Variants in HMBOX1 observed in about 807,000 individuals in gnomAD.
HMBOX1 encodes the protein homeobox containing 1.
In HMBOX1, 14 loss-of-function variants were observed where a neutral mutation model predicts 54.5. That is an observed-to-expected ratio of 0.26 (90% CI 0.17 to 0.40). The LOEUF (loss-of-function observed/expected upper bound fraction) is 0.40. Among genes scored for constraint, HMBOX1 ranks in the 10% least tolerant of loss-of-function variants. The probability of loss-of-function intolerance (pLI) is 1.00; values close to 1 mark genes in which losing one functional copy is unlikely to be tolerated. For missense variants in HMBOX1, 332 were observed against 514.4 expected (o/e 0.65, Z 3.43); for synonymous variants, 160 against 181.0 (o/e 0.88, Z 0.93).
At chr8:29,022,494 A>G (rs10106347) in intron 6 of HMBOX1, among the ~76,000 whole-genome samples, 18,370 of 152,252 alleles carry the variant, frequency 0.12, 1,160 homozygotes, top group Middle Eastern at 0.16. Flanking sequence ...ACTAATTTCA[A>G]AATACAGAAG....
At position 28,913,445 on chromosome 8, in the gene HMBOX1, A is replaced by G. The variant is rs923031615; in HGVS notation, c.-58+22767A>G. 2.6e-5 allele frequency among the ~76,000 whole-genome samples: 4 copies of G among 152,158 alleles called. 1 individual carries two copies. The highest frequency in any genetic ancestry group is 2.4e-5 in the African/African-American group (1 of 41,516). ...TTCACCCTCCCACCTCGCCTTCACC[A>G]TCCCATTTCCCCACTTCTCAACCCG... On this transcript the variant is annotated intron_variant, in intron 1 of 9. Transcript: ENST00000287701.
chr8:29,047,531 T>C (rs577282494), intron 8 of HMBOX1, 78 bp downstream of exon 8: 1 of 763,460 alleles, frequency 1.3e-6, no homozygotes, highest in East Asian at 2.6e-5. Flanking sequence ...AACTTCAGTT[T>C]AGAAACTGCA....
chr8:28,919,063 G>A (rs1817085748), intron 1 of HMBOX1, among the ~76,000 whole-genome samples: 1 of 152,222 alleles, frequency 6.6e-6, no homozygotes, highest in South Asian at 2.1e-4. Context: ...AATATTGACT[G>A]CTCAGTGTTC....
intron 9 of HMBOX1, 150 bp from the exon 10 acceptor site, chr8:29,050,868 A>G (rs1806341918): frequency 1.5e-6 from 1 of 646,848 alleles, no homozygotes. Flanking sequence ...TTCAGTGTCT[A>G]CTTAAATACA....
intron 1 of HMBOX1, among the ~76,000 whole-genome samples, chr8:28,919,092 C>T (rs2131759844): frequency 6.6e-6 from 1 of 152,238 alleles, no homozygotes; most frequent in East Asian, 1.9e-4. Context: ...AATTTTTCTC[C>T]ATTGGTGAAG....
At chr8:28,905,843 A>G (rs890597205) in intron 1 of HMBOX1, among the ~76,000 whole-genome samples, 1 of 152,186 alleles carries the variant, frequency 6.6e-6, no homozygotes, top group African/African-American at 2.4e-5. Flanking sequence ...TTGCCAAAAC[A>G]TTTCTTAAAC....
At chr8:29,036,451 TG>T (rs968951069) in intron 6 of HMBOX1, among the ~76,000 whole-genome samples, 1 of 152,170 alleles carries the variant, frequency 6.6e-6, no homozygotes, top group Non-Finnish European at 1.5e-5. Flanking sequence ...CTGTTTCAAG[TG>T]AGAAGTCCCA....
At chr8:29,026,416 G>A (rs1021049125) in intron 6 of HMBOX1, among the ~76,000 whole-genome samples, 4 of 152,082 alleles carry the variant, frequency 2.6e-5, no homozygotes, top group Non-Finnish European at 5.9e-5. Context: ...TTTTTGGGGT[G>A]ATGAAGATTT....
intron 6 of HMBOX1, among the ~76,000 whole-genome samples, chr8:29,039,594 A>T (rs1211419696): frequency 6.6e-6 from 1 of 152,108 alleles, no homozygotes; most frequent in Admixed American, 6.5e-5. Context: ...CCATCTGTTG[A>T]TTAGATACTT....
At chr8:28,899,635 A>T (rs990343716) in intron 1 of HMBOX1, among the ~76,000 whole-genome samples, 1 of 152,220 alleles carries the variant, frequency 6.6e-6, no homozygotes, top group Non-Finnish European at 1.5e-5. Context: ...ACCATAGGTG[A>T]TATTTAACAA....
intron 4 of HMBOX1, among the ~76,000 whole-genome samples, chr8:28,983,519 T>C (rs958692277): frequency 1.3e-5 from 2 of 152,264 alleles, no homozygotes; most frequent in African/African-American, 4.8e-5. Flanking sequence ...TTTCTGAAAT[T>C]AATTACACTT....
intron 5 of HMBOX1, among the ~76,000 whole-genome samples, chr8:29,012,194 G>T (rs977671536): frequency 2.0e-5 from 3 of 152,130 alleles, no homozygotes; most frequent in Non-Finnish European, 4.4e-5. Context: ...ATTCTTTCTC[G>T]ATAAAAGTGA....
intron 1 of HMBOX1, among the ~76,000 whole-genome samples, chr8:28,896,389 G>GCCTAGGAGCAATAGGCT (rs1340199113): frequency 3.8e-5 from 5 of 131,352 alleles, no homozygotes; most frequent in Admixed American, 7.3e-5. Flanking sequence ...CAGGTGTGTA[G>GCCTAGGAGCAATAGGCT]ATTGCATAAT....
At chr8:28,983,995 G>T (rs982831356) in intron 4 of HMBOX1, among the ~76,000 whole-genome samples, 1 of 152,188 alleles carries the variant, frequency 6.6e-6, no homozygotes, top group Admixed American at 6.5e-5. Context: ...CAGGGGCAAG[G>T]CTTCTCTTTG....
intron 1 of HMBOX1, chr8:28,915,509 A>G (rs1359836041): frequency 6.8e-6 from 1 of 147,900 alleles, no homozygotes. Context: ...GTGAGCCAAG[A>G]TCGTGCCACT....
At chr8:29,021,638 GA>G (rs1185296427) in intron 6 of HMBOX1, among the ~76,000 whole-genome samples, 1 of 151,836 alleles carries the variant, frequency 6.6e-6, no homozygotes, top group Non-Finnish European at 1.5e-5. Flanking sequence ...GGCGGATCAC[GA>G]GGCCAGGAGA....
Position 29,052,494 on chromosome 8 carries a change from A to G in HMBOX1, c.*1339A>G, listed in dbSNP as rs2133424864. On this transcript the variant is annotated 3_prime_UTR_variant, in exon 10 of 10. Transcript: ENST00000287701. ...AATTTTTTTCCTTGATCACATATGT[A>G]GCACTTTTGTTACTTTTTAAAGATA... 6.6e-6 allele frequency: 1 copy of G among 152,354 alleles called. No homozygotes were observed. Among genetic ancestry groups the G allele is most frequent in the South Asian group, 2.1e-4 (1 of 4,826 alleles). 9.4% of individuals were successfully genotyped at this position (152,354 alleles called of 1,614,324 possible). A position where few individuals can be genotyped will look rare whatever the true frequency, so the allele number is the denominator to read the frequency against.
intron 5 of HMBOX1, among the ~76,000 whole-genome samples, chr8:29,014,248 T>G (rs563425305): frequency 6.9e-6 from 1 of 144,562 alleles, no homozygotes; most frequent in East Asian, 2.0e-4. Context: ...AAATTTTGTT[T>G]TAATGGAAAC....
intron 1 of HMBOX1, among the ~76,000 whole-genome samples, chr8:28,919,490 T>C (rs967965616): frequency 7.2e-5 from 11 of 152,346 alleles, no homozygotes; most frequent in Admixed American, 7.2e-4. Context: ...TGGTCTATAC[T>C]TAATCTCAGT....
Sources: allele counts gnomAD v4.1 joint callset (sites outside exome capture counted in the v4.1 genomes callset), GRCh38; gene constraint gnomAD v4.1.1; transcripts MANE v1.5; gene names NCBI Gene and HGNC (gene_info 2026-07-23, HGNC 2026-07-21).